The following PTPRS variants were observed in gnomAD, a reference collection of about 807,000 sequenced individuals.
PTPRS encodes protein tyrosine phosphatase receptor type S, also known as receptor-type tyrosine-protein phosphatase S.
PTPRS carries 63 observed loss-of-function variants against 215.3 expected under a neutral mutation model. That is an observed-to-expected ratio of 0.29 (90% CI 0.24 to 0.36). PTPRS has a LOEUF of 0.36. Ranked by LOEUF, PTPRS falls within the 10% of genes least tolerant of loss-of-function variation. The pLI is 1.00. For synonymous variants in PTPRS, 1,404 were observed against 1,191.4 expected (o/e 1.18, Z -3.68); for missense variants, 2,258 against 2,825.8 (o/e 0.80, Z 4.56).
In PTPRS at chr19:5,282,131, C is replaced by T. The variant is rs370170097; in HGVS notation, c.91+3919G>A. On this transcript the variant is annotated intron_variant, in intron 2 of 37. Transcript: ENST00000262963. ...TTCCCTGGGACCTCAGACTTCTTCT[C>T]GGTGTGTGGTGACCCTTGAGAAAAC... Among the ~76,000 whole-genome samples, 11 of 152,180 alleles carry T rather than the reference C, an allele frequency of 7.2e-5. No individual in the cohort carries two copies. In the South Asian group the frequency reaches 1.0e-3, roughly 14 times the overall value.
At chr19:5,264,593 A>G (rs977406289) in intron 5 of PTPRS, among the ~76,000 whole-genome samples, 4 of 152,160 alleles carry the variant, frequency 2.6e-5, no homozygotes, top group African/African-American at 9.7e-5. Context: ...TTACAGGCAT[A>G]AGCCACTGCG....
intron 1 of PTPRS, among the ~76,000 whole-genome samples, chr19:5,304,258 G>A (rs1394088382): frequency 6.6e-6 from 1 of 152,030 alleles, no homozygotes; most frequent in African/African-American, 2.4e-5. Flanking sequence ...AAGGTCAGGA[G>A]TTTGAGACCA....
At chr19:5,297,728 G>A (rs1054174276) in intron 1 of PTPRS, among the ~76,000 whole-genome samples, 10 of 151,980 alleles carry the variant, frequency 6.6e-5, no homozygotes, top group Admixed American at 6.6e-4. Context: ...GTTGCAGGCA[G>A]GAGGAACAGC....
At chr19:5,297,523 C>A (rs2049172381) in intron 1 of PTPRS, among the ~76,000 whole-genome samples, 1 of 152,092 alleles carries the variant, frequency 6.6e-6, no homozygotes, top group Admixed American at 6.6e-5. Context: ...GGGATGGACA[C>A]CCACAGAAAA....
In PTPRS at chr19:5,293,298, C is replaced by CG. The variant is rs1001672067; in HGVS notation, c.-94-7065dup. The CG allele has an allele frequency of 7.6e-5, 4 of 52,292 alleles. No homozygotes were observed. The highest frequency in any genetic ancestry group is 3.0e-4 in the African/African-American group (4 of 13,298). 3.2% of individuals were successfully genotyped at this position (52,292 alleles called of 1,614,324 possible). A position where few individuals can be genotyped will look rare whatever the true frequency, so the allele number is the denominator to read the frequency against. On this transcript the variant is annotated intron_variant, in intron 1 of 37. Coordinates refer to ENST00000262963, the MANE Select transcript of PTPRS (RefSeq NM_002850.4). The surrounding 1 kb of genome is among the most constrained non-coding windows in gnomAD (Gnocchi z 8.4). ...CTCGGCCTGGGGGCGGGGCAAGGGG[C>CG]GGGGCTGTAGGGGGCGGGGTTGCAG...
rs1242390824 is a variant in PTPRS, at chr19:5,229,413, G to A, written c.2350-71C>T. ...GGGGGAGGCCAGAGATGGAGAAAGA[G>A]AAGCAGAGGTGGGGGGAGCGCAAGG... On this transcript the variant is annotated intron_variant, in intron 15 of 37. Transcript: ENST00000262963. 22 of 1,347,288 alleles carry A rather than the reference G, an allele frequency of 1.6e-5. No individual in the cohort carries two copies. In the East Asian group the frequency reaches 5.7e-4, roughly 35 times the overall value. The allele number at this position is 1,347,288 out of a possible 1,614,324, so 83.5% of individuals were successfully genotyped here.
chr19:5,336,681 G>C (rs898879514), intron 1 of PTPRS, among the ~76,000 whole-genome samples: 1 of 151,876 alleles, frequency 6.6e-6, no homozygotes, highest in Non-Finnish European at 1.5e-5. Flanking sequence ...GTTTTGTTTT[G>C]TATCAGCTTG....
chr19:5,234,710 CA>C (rs1380666036), intron 13 of PTPRS, among the ~76,000 whole-genome samples: 1 of 151,670 alleles, frequency 6.6e-6, no homozygotes, highest in Non-Finnish European at 1.5e-5. Context: ...AGGGCTGTAT[CA>C]GAAAAGTTAA....
At chr19:5,215,251 G>C (rs559087077) in intron 28 of PTPRS, 38 bp downstream of exon 28, 1 of 1,609,660 alleles carries the variant, frequency 6.2e-7, no homozygotes, top group South Asian at 1.1e-5. Context: ...TCCATGCAGT[G>C]GGGAAGGGCA....
chr19:5,297,172 C>A (rs1207479808), intron 1 of PTPRS, among the ~76,000 whole-genome samples: 1 of 152,172 alleles, frequency 6.6e-6, no homozygotes, highest in African/African-American at 2.4e-5. Context: ...TCTGTATACA[C>A]CCAGGAGGCG....
chr19:5,268,409 C>A (rs1020108986), intron 4 of PTPRS, among the ~76,000 whole-genome samples: 1 of 151,926 alleles, frequency 6.6e-6, no homozygotes, highest in Admixed American at 6.6e-5. Context: ...CATGTATTTG[C>A]TTACAAAGGC....
chr19:5,317,017 G>A (rs2049895510), intron 1 of PTPRS, among the ~76,000 whole-genome samples: 1 of 152,162 alleles, frequency 6.6e-6, no homozygotes, highest in Non-Finnish European at 1.5e-5. Flanking sequence ...CTATAGCTGG[G>A]GCTCCTGCTC....
In PTPRS at chr19:5,214,728, C is replaced by T. The variant is rs780295096; in HGVS notation, c.4327G>A (p.Gly1443Ser). Reference protein sequence around the residue: ...VILQPIEGIMGSDYINANYVD... With the variant: ...VILQPIEGIMSSDYINANYVD... Reference sequence around the variant, plus strand: ...TAGTTGGCATTGATGTAATCACTGCCCATGATGCCTGCAGCCAGGGCGAGA... The same window carrying T: ...TAGTTGGCATTGATGTAATCACTGCTCATGATGCCTGCAGCCAGGGCGAGA... The change falls in exon 29 of 38, where the codon GGC becomes AGC. Residue 1443 changes from glycine to serine, a missense_variant. By Grantham distance (56) the Gly-to-Ser change is moderately conservative. Transcript: ENST00000262963. The T allele has an allele frequency of 1.3e-6, 2 of 1,598,712 alleles. No homozygotes were observed. Among genetic ancestry groups the T allele is most frequent in the Non-Finnish European group, 1.7e-6 (2 of 1,168,274 alleles).
At position 5,325,503 on chromosome 19, in the gene PTPRS, A is replaced by T. The variant is rs1336629055; in HGVS notation, c.-95+15161T>A. 5.3e-5 allele frequency among the ~76,000 whole-genome samples: 8 copies of T among 151,220 alleles called. No individual in the cohort carries two copies. The South Asian group carries it at 1.0e-3, about 20-fold the overall frequency. On this transcript the variant is annotated intron_variant, in intron 1 of 37. Transcript: ENST00000262963. ...ATTTTAACCTGGAAAGAGAAGAGAGACGTCATCGGGGCCGGCCCCCTGCCT... is the reference window on the plus strand; with the variant it reads ...ATTTTAACCTGGAAAGAGAAGAGAGTCGTCATCGGGGCCGGCCCCCTGCCT...
intron 1 of PTPRS, among the ~76,000 whole-genome samples, chr19:5,329,350 G>A (rs1031547272): frequency 2.0e-5 from 3 of 152,158 alleles, no homozygotes; most frequent in African/African-American, 7.2e-5. Flanking sequence ...ACACATCCTG[G>A]CCGATAACAT....
In PTPRS at chr19:5,338,744, G is replaced by A. The variant is rs553904124; in HGVS notation, c.-95+1920C>T. 9.8e-5 allele frequency among the ~76,000 whole-genome samples: 15 copies of A among 152,304 alleles called. No homozygotes were observed. In the East Asian group the frequency reaches 1.7e-3, roughly 18 times the overall value. ...GAGGGGGAGGGGACTTATGCAAATG[G>A]CAGATTCGACCAAGTCCCTGGGCCA... On this transcript the variant is annotated intron_variant, in intron 1 of 37. Transcript: ENST00000262963. This position sits in a 1 kb window ranked among gnomAD's most constrained non-coding sequence, Gnocchi z 4.2.
intron 5 of PTPRS, among the ~76,000 whole-genome samples, chr19:5,264,314 C>T (rs1394397916): frequency 2.6e-5 from 4 of 152,152 alleles, no homozygotes; most frequent in African/African-American, 9.7e-5. Flanking sequence ...TCTCACTGGA[C>T]GTGCCTAATG....
intron 17 of PTPRS, among the ~76,000 whole-genome samples, chr19:5,224,128 A>G (rs1480135685): frequency 6.6e-6 from 1 of 151,892 alleles, no homozygotes; most frequent in Non-Finnish European, 1.5e-5. Flanking sequence ...GCAGGGAGCC[A>G]AGATCGTGCC....
Position 5,211,450 on chromosome 19 carries a change from T to C in PTPRS, c.5234+140A>G, listed in dbSNP as rs1160160520. On this transcript the variant is annotated intron_variant, in intron 33 of 37. Transcript: ENST00000262963. ...TCACGGACAGCAGCCATCAGTTAAATATACATCTAAAGATGTGTATTTAAA... is the reference window on the plus strand; with the variant it reads ...TCACGGACAGCAGCCATCAGTTAAACATACATCTAAAGATGTGTATTTAAA... 7.5e-6 allele frequency: 6 copies of C among 804,760 alleles called. No individual in the cohort carries two copies. In the African/African-American group the frequency reaches 8.6e-5, roughly 12 times the overall value. 49.9% of individuals were successfully genotyped at this position (804,760 alleles called of 1,614,324 possible).
Sources: gnomAD v4.1 joint callset for allele counts (sites outside exome capture counted in the v4.1 genomes callset) on GRCh38, gnomAD v4.1.1 for gene constraint, Gnocchi (gnomAD v3.1) non-coding constraint, MANE v1.5 for transcripts, NCBI Gene and HGNC (gene_info 2026-07-23, HGNC 2026-07-21) for gene names.